CACNB2: variants seen among roughly 807,000 people sequenced by gnomAD.
The protein encoded by CACNB2 is voltage-dependent L-type calcium channel subunit beta-2.
CACNB2 carries 42 observed loss-of-function variants against 73.3 expected under a neutral mutation model. That is an observed-to-expected ratio of 0.57 (90% CI 0.45 to 0.74). The LOEUF is 0.74. Among genes scored for constraint, CACNB2 ranks in the 30% least tolerant of loss-of-function variants. The probability of loss-of-function intolerance (pLI) is 0.00; values close to 1 mark genes in which losing one functional copy is unlikely to be tolerated. For synonymous variants in CACNB2, 348 were observed against 310.3 expected, an observed-to-expected ratio of 1.12 and a Z score of -1.28; for missense variants, 940 against 853.0, an observed-to-expected ratio of 1.10 and a Z score of -1.27.
At chr10:18,142,790 T>C (rs2030556116) in intron 1 of CACNB2, among the ~76,000 whole-genome samples, 1 of 152,202 alleles carries the variant, frequency 6.6e-6, no homozygotes, top group Non-Finnish European at 1.5e-5. Context: ...AAAGACACAA[T>C]TTCTGCCTTC....
intron 2 of CACNB2, among the ~76,000 whole-genome samples, chr10:18,243,584 C>G (rs2036745278): frequency 1.3e-5 from 2 of 152,166 alleles, no homozygotes. Flanking sequence ...TTCATGAGGA[C>G]AGATTTCTTA....
intron 2 of CACNB2, among the ~76,000 whole-genome samples, chr10:18,220,201 GTATATATATATATA>G (rs773942256): frequency 8.6e-5 from 2 of 23,318 alleles, no homozygotes; most frequent in African/African-American, 5.5e-4. Flanking sequence ...ATATGTGTGT[GTATATATATATATA>G]TATATATATA....
intron 2 of CACNB2, among the ~76,000 whole-genome samples, chr10:18,247,037 G>A (rs1358618677): frequency 6.6e-6 from 1 of 152,152 alleles, no homozygotes; most frequent in Non-Finnish European, 1.5e-5. Context: ...GCAGTTGTAA[G>A]GCATAATCTG....
At chr10:18,438,183 A>ATTTTTTTTTTTTTTTT (rs372226267) in intron 3 of CACNB2, among the ~76,000 whole-genome samples, 2 of 93,962 alleles carry the variant, frequency 2.1e-5, no homozygotes, top group African/African-American at 8.5e-5. Context: ...ACACCTGGCG[A>ATTTTTTTTTTTTTTTT]TTTTTTTTTT....
chr10:18,150,524 G>A (rs766705030), intron 1 of CACNB2, among the ~76,000 whole-genome samples: 6 of 152,144 alleles, frequency 3.9e-5, no homozygotes, highest in Non-Finnish European at 7.3e-5. Context: ...TTAGCCAGAC[G>A]TGGTGGCACA....
intron 2 of CACNB2, among the ~76,000 whole-genome samples, chr10:18,309,234 G>T (rs956425667): frequency 3.9e-5 from 6 of 152,094 alleles, no homozygotes; most frequent in African/African-American, 1.4e-4. Flanking sequence ...TTTATGACGG[G>T]AGAAAGAGGG....
intron 9 of CACNB2, among the ~76,000 whole-genome samples, chr10:18,525,040 A>C (rs2052330120): frequency 1.3e-5 from 2 of 151,322 alleles, no homozygotes; most frequent in Non-Finnish European, 2.9e-5. Flanking sequence ...AAAAAAAAAA[A>C]AAAAAAAAAC....
chr10:18,299,717 TA>T (rs2039431438), intron 2 of CACNB2, among the ~76,000 whole-genome samples: 1 of 151,682 alleles, frequency 6.6e-6, no homozygotes, highest in Admixed American at 6.6e-5. Context: ...TCTCAAAAAA[TA>T]AAAATAAAAA....
chr10:18,361,334 TAAA>T (rs113930288), intron 2 of CACNB2, among the ~76,000 whole-genome samples: 4,809 of 136,470 alleles, frequency 0.035, 114 homozygotes, highest in African/African-American at 0.062. Flanking sequence ...TACAAAAAAT[TAAA>T]AAAAAAAAAA....
intron 2 of CACNB2, among the ~76,000 whole-genome samples, chr10:18,301,527 T>A (rs1267744885): frequency 6.6e-6 from 1 of 151,902 alleles, no homozygotes; most frequent in Non-Finnish European, 1.5e-5. Context: ...CCCAGGAGTT[T>A]GAGGCTGCAG....
chr10:18,349,957 G>A (rs535406927), intron 2 of CACNB2, among the ~76,000 whole-genome samples: 24 of 152,004 alleles, frequency 1.6e-4, no homozygotes, highest in African/African-American at 4.6e-4. Flanking sequence ...TTTTAATTCC[G>A]TAACAGCTGG....
intron 2 of CACNB2, among the ~76,000 whole-genome samples, chr10:18,368,424 G>A (rs568914638): frequency 2.1e-4 from 32 of 152,162 alleles, no homozygotes; most frequent in South Asian, 4.1e-4. Flanking sequence ...AAACTTCTAC[G>A]AAACAAGTAA....
chr10:18,140,823 G>T lies in CACNB2; in HGVS notation c.87G>T (p.Val29=), dbSNP rs758806288. Residue 29 remains valine, a synonymous_variant, in exon 1 of 14, where the codon GTG becomes GTT. Coordinates refer to ENST00000324631, the MANE Select transcript of CACNB2 (RefSeq NM_201596.3). ...TCCAGATGGAACTGCTAGAGAACGT[G>T]GCTCCCGCGGGGGCGCTCGGAGCCG... ...QEIQMELLEN[V]APAGALGAAA... 172 of 1,604,084 alleles carry T rather than the reference G, an allele frequency of 1.1e-4. No individual in the cohort carries two copies. Among genetic ancestry groups the T allele is most frequent in the Non-Finnish European group, 1.3e-4 (154 of 1,176,904 alleles).
At chr10:18,243,967 A>G (rs1371003422) in intron 2 of CACNB2, among the ~76,000 whole-genome samples, 1 of 152,238 alleles carries the variant, frequency 6.6e-6, no homozygotes, top group Admixed American at 6.5e-5. Context: ...AAACCTAGCT[A>G]TGTCTCTTTA....
In CACNB2 at chr10:18,539,452, A is replaced by G; in HGVS notation, c.1711A>G (p.Lys571Glu). The change falls in exon 14 of 14, where the codon AAG becomes GAG. Residue 571 changes from lysine to glutamate, a missense_variant. By Grantham distance (56) the Lys-to-Glu change is moderately conservative. Transcript: ENST00000324631. ...ESRDSAYVEPKEDYSHDHVDH... is the reference protein window; with the variant it reads ...ESRDSAYVEPEEDYSHDHVDH... ...TCGAGACTCTGCCTACGTAGAGCCA[A>G]AGGAAGATTATTCCCATGACCACGT... The G allele has an allele frequency of 6.2e-7, 1 of 1,613,976 alleles. No individual in the cohort carries two copies. Among genetic ancestry groups the G allele is most frequent in the Non-Finnish European group, 8.5e-7 (1 of 1,179,986 alleles).
chr10:18,220,201 G>GTATATA (rs773942256), intron 2 of CACNB2, among the ~76,000 whole-genome samples: 30 of 23,294 alleles, frequency 1.3e-3, no homozygotes, highest in African/African-American at 3.9e-3. Context: ...ATATGTGTGT[G>GTATATA]TATATATATA....
chr10:18,475,186 A>G (rs1299052215), intron 3 of CACNB2, among the ~76,000 whole-genome samples: 1 of 151,866 alleles, frequency 6.6e-6, no homozygotes, highest in Non-Finnish European at 1.5e-5. Flanking sequence ...CCCTGGGGTC[A>G]CACACCTGGA....
intron 3 of CACNB2, among the ~76,000 whole-genome samples, chr10:18,447,619 G>A (rs1449701601): frequency 1.3e-5 from 2 of 151,994 alleles, no homozygotes; most frequent in Non-Finnish European, 2.9e-5. Context: ...GAGCTTTAAA[G>A]TTTGGAAAAT....
At chr10:18,445,682 G>A (rs1475577744) in intron 3 of CACNB2, among the ~76,000 whole-genome samples, 2 of 152,180 alleles carry the variant, frequency 1.3e-5, no homozygotes, top group Non-Finnish European at 2.9e-5. Context: ...ACAGTGCTCT[G>A]GGATGTCAAA....
Sources: gnomAD v4.1 joint callset for allele counts (sites outside exome capture counted in the v4.1 genomes callset) on GRCh38, gnomAD v4.1.1 for gene constraint, MANE v1.5 for transcripts, NCBI Gene and HGNC (gene_info 2026-07-23, HGNC 2026-07-21) for gene names.